USP13: variants seen among roughly 807,000 people sequenced by gnomAD.
The protein encoded by USP13 is ubiquitin specific peptidase 13.
A neutral mutation model predicts 107.8 loss-of-function variants in USP13; 68 were observed. The ratio of observed to expected loss-of-function variants is 0.63; its 90% CI spans 0.52 to 0.77. USP13 has a LOEUF of 0.77. Among genes scored for constraint, USP13 ranks in the 30% least tolerant of loss-of-function variants. USP13 has a pLI of 0.00. For synonymous variants in USP13, 377 were observed against 389.5 expected, an observed-to-expected ratio of 0.97 and a Z score of 0.38; for missense variants, 945 against 1,093.3, an observed-to-expected ratio of 0.86 and a Z score of 1.91.
chr3:179,745,529 TCTTCCTTC>T (rs990399018), intron 13 of USP13, among the ~76,000 whole-genome samples: 6 of 148,598 alleles, frequency 4.0e-5, no homozygotes, highest in Non-Finnish European at 5.9e-5. Context: ...TTTCTTCCTT[TCTTCCTTC>T]CTTCCTTCCT....
chr3:179,781,401 C>T (rs1195485998), intron 19 of USP13, among the ~76,000 whole-genome samples: 4 of 152,096 alleles, frequency 2.6e-5, no homozygotes, highest in Non-Finnish European at 5.9e-5. Flanking sequence ...TGTCCACCCT[C>T]GTGCTATTTG....
intron 19 of USP13, among the ~76,000 whole-genome samples, chr3:179,776,339 T>C (rs2108551388): frequency 6.6e-6 from 1 of 152,274 alleles, no homozygotes; most frequent in East Asian, 1.9e-4. Flanking sequence ...AGATAATCTT[T>C]GGGTGGCCTT....
chr3:179,743,926 G>GTTTTTTT (rs35286740), intron 12 of USP13, among the ~76,000 whole-genome samples: 2 of 126,254 alleles, frequency 1.6e-5, no homozygotes, highest in African/African-American at 6.0e-5. Context: ...TAAATAAGGA[G>GTTTTTTT]TTTTTTTTTT....
intron 3 of USP13, among the ~76,000 whole-genome samples, chr3:179,691,183 A>G (rs1414320094): frequency 1.3e-5 from 2 of 150,650 alleles, no homozygotes; most frequent in Non-Finnish European, 2.9e-5. Flanking sequence ...AAAAAAAAAA[A>G]AGAAGTCAAT....
At chr3:179,694,064 G>A (rs1005201971) in intron 3 of USP13, among the ~76,000 whole-genome samples, 1 of 151,154 alleles carries the variant, frequency 6.6e-6, no homozygotes, top group Non-Finnish European at 1.5e-5. Context: ...TCGGCCTCCT[G>A]TAGGGCTCAA....
intron 19 of USP13, among the ~76,000 whole-genome samples, chr3:179,774,075 A>C (rs562411643): frequency 2.0e-5 from 3 of 152,344 alleles, no homozygotes; most frequent in East Asian, 3.9e-4. Flanking sequence ...CTGCTTTTGA[A>C]GAGGCCTTAG....
At chr3:179,684,270 TACAC>T (rs58817778) in intron 2 of USP13, among the ~76,000 whole-genome samples, 566 of 116,002 alleles carry the variant, frequency 4.9e-3, no homozygotes, top group African/African-American at 9.6e-3. Context: ...TATCACCCTT[TACAC>T]ACACACACAC....
intron 10 of USP13, among the ~76,000 whole-genome samples, chr3:179,738,883 T>C (rs1048226550): frequency 1.1e-4 from 17 of 152,200 alleles, no homozygotes; most frequent in Admixed American, 1.0e-3. Context: ...TCCACTTATT[T>C]GCCTCTTTCC....
chr3:179,778,418 A>G (rs148992055), intron 19 of USP13, among the ~76,000 whole-genome samples: 263 of 152,324 alleles, frequency 1.7e-3, no homozygotes, highest in African/African-American at 6.0e-3. Context: ...TATGGAGCCT[A>G]TTCTAGCCTG....
At chr3:179,680,208 A>G (rs968022443) in intron 1 of USP13, among the ~76,000 whole-genome samples, 1 of 151,786 alleles carries the variant, frequency 6.6e-6, no homozygotes, top group East Asian at 1.9e-4. Context: ...AACAAAAAGA[A>G]AGAGAGAGAG....
At chr3:179,726,051 A>G (rs1316639473) in intron 8 of USP13, among the ~76,000 whole-genome samples, 1 of 152,148 alleles carries the variant, frequency 6.6e-6, no homozygotes, top group Non-Finnish European at 1.5e-5. Flanking sequence ...TAAAACTGCA[A>G]ATAGTGATGC....
At chr3:179,712,617 A>G (rs1441379295) in intron 6 of USP13, among the ~76,000 whole-genome samples, 6 of 152,078 alleles carry the variant, frequency 3.9e-5, no homozygotes, top group Non-Finnish European at 8.8e-5. Flanking sequence ...TGATGGTTTC[A>G]TAAATCATTT....
Position 179,653,587 on chromosome 3 carries a change from G to A in USP13, c.168+194G>A. On this transcript the variant is annotated intron_variant, in intron 1 of 20. Coordinates refer to ENST00000263966, the MANE Select transcript of USP13 (RefSeq NM_003940.3). This position sits in a 1 kb window ranked among gnomAD's most constrained non-coding sequence, Gnocchi z 4.0. Reference sequence around the variant, plus strand: ...CTGCAGCCGAGGACTGGCTCGTGCTGGTGGTTTTGCTCCGCCAGCCTCCCC... The same window carrying A: ...CTGCAGCCGAGGACTGGCTCGTGCTAGTGGTTTTGCTCCGCCAGCCTCCCC... 1.3e-6 allele frequency: 1 copy of A among 788,022 alleles called. No individual in the cohort carries two copies. The highest frequency in any genetic ancestry group is 2.0e-5 in the South Asian group (1 of 50,454). 48.8% of individuals were successfully genotyped at this position (788,022 alleles called of 1,614,324 possible). A position where few individuals can be genotyped will look rare whatever the true frequency, so the allele number is the denominator to read the frequency against.
chr3:179,734,082 C>T (rs999198108), intron 10 of USP13, among the ~76,000 whole-genome samples: 3 of 152,170 alleles, frequency 2.0e-5, no homozygotes, highest in African/African-American at 2.4e-5. Context: ...TTCTCACTGG[C>T]GTCTTCCAAG....
chr3:179,762,242 A>C (rs115513515), intron 17 of USP13, among the ~76,000 whole-genome samples: 3,182 of 152,314 alleles, frequency 0.021, 71 homozygotes, highest in Middle Eastern at 0.082. Flanking sequence ...AGATTCATCT[A>C]TGTTGTAGCA....
At chr3:179,755,831 G>C (rs1001298340) in intron 15 of USP13, among the ~76,000 whole-genome samples, 2 of 152,186 alleles carry the variant, frequency 1.3e-5, no homozygotes, top group East Asian at 3.8e-4. Context: ...CATCAGTTAA[G>C]CAGTGAAGGT....
chr3:179,673,460 C>T (rs1019752803), intron 1 of USP13, among the ~76,000 whole-genome samples: 8 of 152,282 alleles, frequency 5.3e-5, no homozygotes, highest in African/African-American at 1.7e-4. Context: ...ATACAATTTT[C>T]CTGCCTTCAA....
At chr3:179,750,418 A>G (rs781449570) in intron 13 of USP13, among the ~76,000 whole-genome samples, 32 of 150,434 alleles carry the variant, frequency 2.1e-4, no homozygotes, top group Non-Finnish European at 4.3e-4. Flanking sequence ...CATTTAAATA[A>G]GAATAATGTG....
At chr3:179,675,652 A>T (rs1408827595) in intron 1 of USP13, among the ~76,000 whole-genome samples, 1 of 151,840 alleles carries the variant, frequency 6.6e-6, no homozygotes, top group Admixed American at 6.6e-5. Flanking sequence ...GGTTCAAGGA[A>T]TTCTCCTGCC....
Sources: gnomAD v4.1 joint callset for allele counts (sites outside exome capture counted in the v4.1 genomes callset) on GRCh38, gnomAD v4.1.1 for gene constraint, Gnocchi (gnomAD v3.1) non-coding constraint, MANE v1.5 for transcripts, NCBI Gene and HGNC (gene_info 2026-07-23, HGNC 2026-07-21) for gene names.